Variants in WNT6 observed in about 807,000 individuals in gnomAD.
The protein encoded by WNT6 is Wnt family member 6, also known as protein Wnt-6.
WNT6 carries 27 observed loss-of-function variants against 33.1 expected under a neutral mutation model. That is an observed-to-expected ratio of 0.82 (90% CI 0.60 to 1.12). The LOEUF (loss-of-function observed/expected upper bound fraction) is 1.12, where lower values mean the gene tolerates loss of function less well. WNT6 is among the 50% of genes most tolerant of loss of function. The pLI, the probability that WNT6 is intolerant of heterozygous loss-of-function variation, is 0.00. For missense variants in WNT6, 494 were observed against 535.3 expected, an observed-to-expected ratio of 0.92 and a Z score of 0.76; for synonymous variants, 249 against 242.8, an observed-to-expected ratio of 1.03 and a Z score of -0.24.
chr2:218,866,059 A>G (rs1270982555), intron 1 of WNT6, among the ~76,000 whole-genome samples: 1 of 114,920 alleles, frequency 8.7e-6, no homozygotes, highest in East Asian at 2.7e-4. Flanking sequence ...AGAGCAGGAC[A>G]GGACAGGCGG....
Position 218,871,648 on chromosome 2 carries a change from T to C in WNT6, c.465T>C (p.Pro155=). 6.7e-7 allele frequency: 1 copy of C among 1,500,024 alleles called. No homozygotes were observed. The highest frequency in any genetic ancestry group is 8.9e-7 in the Non-Finnish European group (1 of 1,127,098). 92.9% of individuals were successfully genotyped at this position (1,500,024 alleles called of 1,614,324 possible). A position where few individuals can be genotyped will look rare whatever the true frequency, so the allele number is the denominator to read the frequency against. ...PSGLPGTPGP[P]GPAGSPEGSA... ...GCCTGCCCGGCACCCCCGGACCCCC[T>C]GGCCCCGCGGGCTCCCCGGAAGGCA... Residue 155 remains proline, a synonymous_variant, in exon 3 of 4, where the codon CCT becomes CCC. Transcript: ENST00000233948. The surrounding 1 kb of genome is among the most constrained non-coding windows in gnomAD (Gnocchi z 6.4).
Position 218,873,643 on chromosome 2 carries a change from G to T in WNT6, c.896G>T (p.Arg299Leu). ...CCCGACTTCTGCGCCCCCAACCGACGCACCGGCTCCCCCGGCACGCGCGGT... is the reference window on the plus strand; with the variant it reads ...CCCGACTTCTGCGCCCCCAACCGACTCACCGGCTCCCCCGGCACGCGCGGT... Reference protein sequence around the residue: ...DSPDFCAPNRRTGSPGTRGRA... With the variant: ...DSPDFCAPNRLTGSPGTRGRA... Residue 299 changes from arginine to leucine, a missense_variant, in exon 4 of 4, where the codon CGC (arginine) becomes CTC (leucine). Physicochemically the swap from Arg to Leu is moderately radical, Grantham distance 102. Transcript: ENST00000233948. The surrounding 1 kb of genome is among the most constrained non-coding windows in gnomAD (Gnocchi z 6.1). 6.3e-7 allele frequency: 1 copy of T among 1,581,490 alleles called. No homozygotes were observed. Among genetic ancestry groups the T allele is most frequent in the Non-Finnish European group, 8.5e-7 (1 of 1,171,166 alleles).
chr2:218,872,776 C>T (rs1157623865), intron 3 of WNT6, among the ~76,000 whole-genome samples: 1 of 152,172 alleles, frequency 6.6e-6, no homozygotes. Flanking sequence ...CCTCCTGCAC[C>T]CCATGCCTCC....
chr2:218,865,082 G>T (rs1167869055), intron 1 of WNT6, among the ~76,000 whole-genome samples: 2 of 152,222 alleles, frequency 1.3e-5, no homozygotes, highest in Non-Finnish European at 1.5e-5. Context: ...ATTTCCTGGG[G>T]GGTGCAGCCC....
chr2:218,871,015 T>G lies in WNT6; in HGVS notation c.81-12T>G, dbSNP rs1944394921. 2 of 1,590,644 alleles carry G rather than the reference T, an allele frequency of 1.3e-6. No homozygotes were observed. The highest frequency in any genetic ancestry group is 1.7e-6 in the Non-Finnish European group (2 of 1,164,234). ...GGGTTACACCCCTGACCTGCTATTC[T>G]CTGCTTTCCAGGGCTGTGGGCAGCC... On this transcript the variant is annotated splice_polypyrimidine_tract_variant and intron_variant, in intron 1 of 3. Transcript: ENST00000233948. This position sits in a 1 kb window ranked among gnomAD's most constrained non-coding sequence, Gnocchi z 6.4.
At chr2:218,865,147 AG>A (rs1005890741) in intron 1 of WNT6, among the ~76,000 whole-genome samples, 1 of 152,198 alleles carries the variant, frequency 6.6e-6, no homozygotes, top group African/African-American at 2.4e-5. Context: ...GGTCAGCAGG[AG>A]GTTTGCTCAT....
At chr2:218,866,728 C>CT in intron 1 of WNT6, among the ~76,000 whole-genome samples, 1 of 152,298 alleles carries the variant, frequency 6.6e-6, no homozygotes, top group South Asian at 2.1e-4. Context: ...ATGCTAGGGA[C>CT]TCACTCAACA....
At chr2:218,869,392 C>T (rs1944380776) in intron 1 of WNT6, among the ~76,000 whole-genome samples, 2 of 152,190 alleles carry the variant, frequency 1.3e-5, no homozygotes, top group African/African-American at 4.8e-5. Context: ...CTATTTAAGA[C>T]CATCACATTT....
intron 1 of WNT6, among the ~76,000 whole-genome samples, chr2:218,869,999 C>G (rs900598369): frequency 6.6e-6 from 1 of 152,194 alleles, no homozygotes; most frequent in Admixed American, 6.5e-5. Flanking sequence ...GCAGGCAGAT[C>G]ACCTGAAGTC....
In WNT6 at chr2:218,871,642, A is replaced by AC; in HGVS notation, c.464dup (p.Gly156TrpfsTer157). On this transcript the variant is annotated frameshift_variant, in exon 3 of 4. Coordinates refer to ENST00000233948, the MANE Select transcript of WNT6 (RefSeq NM_006522.4). LOFTEE classifies it high-confidence loss of function. This position sits in a 1 kb window ranked among gnomAD's most constrained non-coding sequence, Gnocchi z 6.4. ...CCTCCGGCCTGCCCGGCACCCCCGG[A>AC]CCCCCTGGCCCCGCGGGCTCCCCGG... 1 of 1,486,412 alleles carries AC rather than the reference A, an allele frequency of 6.7e-7. No homozygotes were observed. The highest frequency in any genetic ancestry group is 8.9e-7 in the Non-Finnish European group (1 of 1,122,394). The allele number at this position is 1,486,412 out of a possible 1,614,324, so 92.1% of individuals were successfully genotyped here. A position where few individuals can be genotyped will look rare whatever the true frequency, so the allele number is the denominator to read the frequency against.
chr2:218,864,839 G>A (rs1226488699), intron 1 of WNT6, among the ~76,000 whole-genome samples: 1 of 152,214 alleles, frequency 6.6e-6, no homozygotes, highest in East Asian at 1.9e-4. Context: ...GTCTTTATCT[G>A]GGGCCCCTGA....
intron 1 of WNT6, among the ~76,000 whole-genome samples, chr2:218,868,280 C>T (rs1944370090): frequency 6.6e-6 from 1 of 152,128 alleles, no homozygotes. Context: ...GTCTCTAGTC[C>T]CTGCGAAACA....
At chr2:218,869,888 C>T (rs370172820) in intron 1 of WNT6, among the ~76,000 whole-genome samples, 5 of 152,188 alleles carry the variant, frequency 3.3e-5, no homozygotes, top group African/African-American at 7.2e-5. Context: ...CACCCTAATG[C>T]GCAGGGCTTG....
In WNT6 at chr2:218,874,079, T is replaced by C; in HGVS notation, c.*234T>C. ...CGCTCGGGGAGCGTTTAAAGGACAC[T>C]GTACAGGCCCTCCCTCCCCTTGGCC... On this transcript the variant is annotated 3_prime_UTR_variant, in exon 4 of 4. Transcript: ENST00000233948. The C allele has an allele frequency of 2.0e-6, 1 of 494,438 alleles. No homozygotes were observed. The highest frequency in any genetic ancestry group is 3.5e-6 in the Non-Finnish European group (1 of 288,118). 30.6% of individuals were successfully genotyped at this position (494,438 alleles called of 1,614,324 possible).
intron 1 of WNT6, among the ~76,000 whole-genome samples, chr2:218,869,736 G>A (rs1944384693): frequency 1.3e-5 from 2 of 152,188 alleles, no homozygotes; most frequent in Non-Finnish European, 1.5e-5. Flanking sequence ...ACCTTCAGGG[G>A]TCTGGTATAC....
At chr2:218,866,080 G>GA (rs1944352208) in intron 1 of WNT6, among the ~76,000 whole-genome samples, 1 of 74 alleles carries the variant, frequency 0.014, no homozygotes, top group Admixed American at 0.17. Context: ...GCGGGCACAG[G>GA]CCCGGCCCAG....
At chr2:218,866,738 A>G (rs1944357621) in intron 1 of WNT6, among the ~76,000 whole-genome samples, 1 of 152,194 alleles carries the variant, frequency 6.6e-6, no homozygotes, top group African/African-American at 2.4e-5. Context: ...CTCACTCAAC[A>G]TCATAGAACA....
intron 1 of WNT6, among the ~76,000 whole-genome samples, chr2:218,861,379 T>G (rs1330221633): frequency 6.6e-6 from 1 of 152,150 alleles, no homozygotes; most frequent in Non-Finnish European, 1.5e-5. Context: ...CTAAACATTA[T>G]GTTTGTGATC....
In WNT6 at chr2:218,873,190, A is replaced by C. The variant is rs1446712677; in HGVS notation, c.637-194A>C. Among the ~76,000 whole-genome samples the C allele has an allele frequency of 6.6e-6, 1 of 151,020 alleles. No homozygotes were observed. The highest frequency in any genetic ancestry group is 1.5e-5 in the Non-Finnish European group (1 of 67,792). On this transcript the variant is annotated intron_variant, in intron 3 of 3. Coordinates refer to ENST00000233948, the MANE Select transcript of WNT6 (RefSeq NM_006522.4). The surrounding 1 kb of genome is among the most constrained non-coding windows in gnomAD (Gnocchi z 6.1). ...GTCATCATCATATTCCTCCATCCTCACCATTCCTCCTGCTCCTCCCCTCCG... is the reference window on the plus strand; with the variant it reads ...GTCATCATCATATTCCTCCATCCTCCCCATTCCTCCTGCTCCTCCCCTCCG...
Sources: allele counts gnomAD v4.1 joint callset (sites outside exome capture counted in the v4.1 genomes callset), GRCh38; gene constraint gnomAD v4.1.1; non-coding constraint Gnocchi (gnomAD v3.1); transcripts MANE v1.5; gene names NCBI Gene and HGNC (gene_info 2026-07-23, HGNC 2026-07-21).